NBAS: variants seen among roughly 807,000 people sequenced by gnomAD.
NBAS encodes the protein NAG/BC035112 fusion.
Under a neutral mutation model 302.5 loss-of-function variants are expected in NBAS, and 219 were observed. The observed-to-expected ratio is 0.72, with a 90% confidence interval of 0.65 to 0.81. NBAS has a LOEUF of 0.81. NBAS is among the 30% of genes least tolerant of loss of function. The pLI is 0.00. For synonymous variants in NBAS, 1,118 were observed against 1,021.6 expected, an observed-to-expected ratio of 1.09 and a Z score of -1.80; for missense variants, 2,932 against 2,841.6, an observed-to-expected ratio of 1.03 and a Z score of -0.72.
the NBAS span, among the ~76,000 whole-genome samples, chr2:15,033,861 C>A: frequency 1.3e-5 from 2 of 151,640 alleles, no homozygotes; most frequent in Non-Finnish European, 2.9e-5. Flanking sequence ...AGTGTGATGA[C>A]GGCTTGAACC....
At chr2:14,919,913 ACTT>A in the NBAS span, among the ~76,000 whole-genome samples, 6 of 152,300 alleles carry the variant, frequency 3.9e-5, no homozygotes, top group African/African-American at 1.4e-4. Context: ...GTTGGAATCA[ACTT>A]CTTCTAAATT....
the NBAS span, among the ~76,000 whole-genome samples, chr2:14,803,421 C>G: frequency 6.6e-6 from 1 of 152,156 alleles, no homozygotes; most frequent in African/African-American, 2.4e-5. Flanking sequence ...CTTTTGTACT[C>G]TCACTACCTT....
chr2:15,403,893 GTGTGTGTC>G (rs1460749259), intron 25 of NBAS, among the ~76,000 whole-genome samples: 26 of 141,942 alleles, frequency 1.8e-4, no homozygotes, highest in African/African-American at 6.8e-4. Flanking sequence ...GTGTGTGTGT[GTGTGTGTC>G]TATACACTTT....
rs372404187 is a variant in NBAS, at chr2:15,305,785, T to C, written c.4797+2431A>G. 5.9e-5 allele frequency among the ~76,000 whole-genome samples: 9 copies of C among 152,234 alleles called. No individual in the cohort carries two copies. The South Asian group carries it at 6.2e-4, about 11-fold the overall frequency. On this transcript the variant is annotated intron_variant, in intron 40 of 51. Transcript: ENST00000281513. ...ATGGCAGTATGAAAATGGACAAATATAGTGGCCTTCCAATCTTATGTATTC... is the reference window on the plus strand; with the variant it reads ...ATGGCAGTATGAAAATGGACAAATACAGTGGCCTTCCAATCTTATGTATTC...
chr2:15,384,524 A>C (rs1289351493), intron 28 of NBAS, among the ~76,000 whole-genome samples: 4 of 146,806 alleles, frequency 2.7e-5, no homozygotes, highest in African/African-American at 5.0e-5. Context: ...ATATGAAAAG[A>C]CCCCCCCCCC....
chr2:15,376,733 T>C (rs1220443462), intron 30 of NBAS, among the ~76,000 whole-genome samples: 3 of 152,184 alleles, frequency 2.0e-5, no homozygotes, highest in Admixed American at 6.5e-5. Context: ...TATTGCTTCC[T>C]AAATAAAATG....
At chr2:15,438,761 C>A (rs1261195995) in intron 21 of NBAS, among the ~76,000 whole-genome samples, 2 of 152,258 alleles carry the variant, frequency 1.3e-5, no homozygotes, top group East Asian at 3.9e-4. Context: ...GAAGAACGTG[C>A]ACTGAGAAAG....
chr2:15,439,208 C>A (rs952865113), intron 21 of NBAS, among the ~76,000 whole-genome samples: 1 of 150,324 alleles, frequency 6.7e-6, no homozygotes, highest in African/African-American at 2.5e-5. Flanking sequence ...GAGGCTGAGG[C>A]AGGAGAATGG....
chr2:14,874,823 T>C, the NBAS span, among the ~76,000 whole-genome samples: 704 of 149,518 alleles, frequency 4.7e-3, 4 homozygotes, highest in African/African-American at 0.017. Flanking sequence ...AGTGGGATTT[T>C]CTCAGGAATG....
chr2:15,530,863 T>C (rs562089521), intron 9 of NBAS, among the ~76,000 whole-genome samples: 2 of 151,746 alleles, frequency 1.3e-5, no homozygotes, highest in African/African-American at 4.8e-5. Context: ...AGTCATAACA[T>C]GGTCAAATTT....
At chr2:14,996,476 G>T in the NBAS span, among the ~76,000 whole-genome samples, 1 of 152,146 alleles carries the variant, frequency 6.6e-6, no homozygotes, top group East Asian at 1.9e-4. Flanking sequence ...GTCCGTCAAG[G>T]TCAAATCCCC....
the NBAS span, among the ~76,000 whole-genome samples, chr2:15,060,643 C>T: frequency 2.6e-5 from 4 of 151,978 alleles, no homozygotes; most frequent in South Asian, 2.1e-4. Context: ...GATGGGACTT[C>T]GAGTCGGGGA....
chr2:15,004,350 A>C, the NBAS span, among the ~76,000 whole-genome samples: 1 of 152,228 alleles, frequency 6.6e-6, no homozygotes, highest in South Asian at 2.1e-4. Flanking sequence ...ATTAAGGAAA[A>C]GTTTTGGCAC....
chr2:14,927,324 A>G, the NBAS span, among the ~76,000 whole-genome samples: 1 of 152,182 alleles, frequency 6.6e-6, no homozygotes, highest in Non-Finnish European at 1.5e-5. Context: ...CACTCATACA[A>G]TATTTGTTCT....
At chr2:15,141,553 A>G in the NBAS span, among the ~76,000 whole-genome samples, 1 of 152,196 alleles carries the variant, frequency 6.6e-6, no homozygotes, top group Non-Finnish European at 1.5e-5. Context: ...AAACATTACA[A>G]TTAACCCCTA....
At chr2:14,808,954 G>A in the NBAS span, among the ~76,000 whole-genome samples, 1 of 151,784 alleles carries the variant, frequency 6.6e-6, no homozygotes, top group Non-Finnish European at 1.5e-5. Context: ...TTTTAGCAAA[G>A]AAACTGGTGG....
At chr2:14,912,559 C>G in the NBAS span, among the ~76,000 whole-genome samples, 1 of 152,142 alleles carries the variant, frequency 6.6e-6, no homozygotes, top group Non-Finnish European at 1.5e-5. Flanking sequence ...AAGTTGAGCA[C>G]AAATGTGTGT....
At chr2:15,093,606 G>T in the NBAS span, among the ~76,000 whole-genome samples, 1 of 152,186 alleles carries the variant, frequency 6.6e-6, no homozygotes, top group Admixed American at 6.5e-5. Context: ...AAATTCGCCA[G>T]CAATGTGGAC....
the NBAS span, among the ~76,000 whole-genome samples, chr2:14,985,889 A>G: frequency 6.6e-6 from 1 of 152,210 alleles, no homozygotes; most frequent in African/African-American, 2.4e-5. Context: ...TACATGTCAT[A>G]TAGTGGGTGC....
Sources: gnomAD v4.1 joint callset for allele counts (sites outside exome capture counted in the v4.1 genomes callset) on GRCh38, gnomAD v4.1.1 for gene constraint, MANE v1.5 for transcripts, NCBI Gene and HGNC (gene_info 2026-07-23, HGNC 2026-07-21) for gene names.